PRELID2: variants seen among roughly 807,000 people sequenced by gnomAD.
PRELID2 encodes PRELI domain-containing protein 2.
A neutral mutation model predicts 28.4 loss-of-function variants in PRELID2; 25 were observed. That is an observed-to-expected ratio of 0.88 (90% CI 0.64 to 1.23). PRELID2 has a LOEUF of 1.23. Among genes scored for constraint, PRELID2 ranks in the 50% most tolerant of loss-of-function variants. The probability of loss-of-function intolerance (pLI) is 0.00; values close to 1 mark genes in which losing one functional copy is unlikely to be tolerated. For synonymous variants in PRELID2, 76 were observed against 71.6 expected (o/e 1.06, Z -0.31); for missense variants, 201 against 214.4 (o/e 0.94, Z 0.39).
At chr5:145,827,611 T>G (rs549469983) in intron 1 of PRELID2, among the ~76,000 whole-genome samples, 1 of 152,284 alleles carries the variant, frequency 6.6e-6, no homozygotes, top group South Asian at 2.1e-4. Flanking sequence ...AATGACCCAA[T>G]AATCAGCAAC....
intron 1 of PRELID2, among the ~76,000 whole-genome samples, chr5:145,824,425 CGTGTGTGTGT>C (rs369429281): frequency 1.6e-4 from 15 of 96,160 alleles, no homozygotes; most frequent in African/African-American, 2.7e-4. Context: ...CCACAGCAGG[CGTGTGTGTGT>C]GTGTGTGTGT....
intron 1 of PRELID2, among the ~76,000 whole-genome samples, chr5:145,610,615 C>T (rs910446250): frequency 1.3e-5 from 2 of 152,062 alleles, no homozygotes; most frequent in African/African-American, 4.8e-5. Context: ...TGTTATGCAC[C>T]AAAATCTGGC....
At chr5:145,823,350 T>A (rs1272364092) in intron 1 of PRELID2, among the ~76,000 whole-genome samples, 8 of 152,222 alleles carry the variant, frequency 5.3e-5, no homozygotes, top group Non-Finnish European at 1.0e-4. Flanking sequence ...GGGAAAACCT[T>A]CTTTAGATCC....
At chr5:145,619,765 A>T (rs1246227160) in intron 1 of PRELID2, among the ~76,000 whole-genome samples, 2 of 152,234 alleles carry the variant, frequency 1.3e-5, no homozygotes, top group Non-Finnish European at 2.9e-5. Flanking sequence ...AATTTTAAAA[A>T]ATAGGTAAAA....
chr5:145,567,608 C>T (rs1752978299), intron 1 of PRELID2, among the ~76,000 whole-genome samples: 1 of 152,092 alleles, frequency 6.6e-6, no homozygotes, highest in African/African-American at 2.4e-5. Context: ...AAACTCCTGA[C>T]CTCAAGTGAT....
intron 1 of PRELID2, among the ~76,000 whole-genome samples, chr5:145,650,628 C>A (rs2149670599): frequency 7.5e-6 from 1 of 133,286 alleles, no homozygotes; most frequent in South Asian, 2.3e-4. Flanking sequence ...CATTTTCACA[C>A]AATATAACAA....
intron 1 of PRELID2, among the ~76,000 whole-genome samples, chr5:145,642,222 T>C (rs901169016): frequency 1.3e-5 from 2 of 152,236 alleles, no homozygotes; most frequent in Admixed American, 1.3e-4. Context: ...TGGCGTGAGA[T>C]GGTATCTCAT....
At chr5:145,333,712 T>G in the PRELID2 span, among the ~76,000 whole-genome samples, 3 of 151,944 alleles carry the variant, frequency 2.0e-5, no homozygotes, top group East Asian at 5.8e-4. Flanking sequence ...GGGCTCCATG[T>G]TGGTGGGATC....
At chr5:145,388,921 A>G in the PRELID2 span, among the ~76,000 whole-genome samples, 4 of 152,284 alleles carry the variant, frequency 2.6e-5, no homozygotes, top group African/African-American at 2.4e-5. Context: ...AATTATCTTT[A>G]TAACATCTGC....
At chr5:145,561,806 A>G (rs924540427) in intron 1 of PRELID2, among the ~76,000 whole-genome samples, 10 of 152,242 alleles carry the variant, frequency 6.6e-5, no homozygotes, top group Admixed American at 1.3e-4. Flanking sequence ...TTATGGCCCC[A>G]GAATTAGGCT....
At chr5:145,753,897 A>C (rs1407800423), downstream of PRELID2, among the ~76,000 whole-genome samples, 1 of 152,080 alleles carries the variant, frequency 6.6e-6, no homozygotes, top group East Asian at 1.9e-4. Flanking sequence ...TACCACAGTG[A>C]CTTTGCCATT....
At chr5:145,308,622 AT>A in the PRELID2 span, among the ~76,000 whole-genome samples, 3,509 of 146,768 alleles carry the variant, frequency 0.024, 93 homozygotes, top group African/African-American at 0.063. Flanking sequence ...GTTAGAGTGT[AT>A]TTTTTTTTTT....
intron 2 of PRELID2, chr5:145,472,217 AG>A (rs1021563529): frequency 6.6e-6 from 1 of 152,140 alleles, no homozygotes; most frequent in Non-Finnish European, 1.5e-5. Context: ...ATTCTTCAAA[AG>A]AAAATTATGG....
chr5:145,753,104 G>A (rs757952343), downstream of PRELID2, among the ~76,000 whole-genome samples: 2 of 152,172 alleles, frequency 1.3e-5, no homozygotes, highest in Non-Finnish European at 2.9e-5. Flanking sequence ...TCCTGGCACC[G>A]GCACAAAGAA....
chr5:145,504,207 G>C (rs753009711), intron 1 of PRELID2, among the ~76,000 whole-genome samples: 12 of 152,172 alleles, frequency 7.9e-5, no homozygotes, highest in Admixed American at 1.3e-4. Context: ...GTGCCTGGCT[G>C]TGACCTTGGG....
intron 4 of PRELID2, among the ~76,000 whole-genome samples, chr5:145,810,307 C>T (rs1753840165): frequency 6.6e-6 from 1 of 152,198 alleles, no homozygotes; most frequent in African/African-American, 2.4e-5. Context: ...TCTCATTCTA[C>T]ACATTCAAGC....
At chr5:145,706,146 G>A (rs1755540975) in intron 1 of PRELID2, among the ~76,000 whole-genome samples, 1 of 152,142 alleles carries the variant, frequency 6.6e-6, no homozygotes, top group South Asian at 2.1e-4. Flanking sequence ...GAAAGACAAA[G>A]AAGGAGGCAG....
chr5:145,547,641 T>C (rs1257851919), intron 1 of PRELID2, among the ~76,000 whole-genome samples: 1 of 152,208 alleles, frequency 6.6e-6, no homozygotes, highest in Non-Finnish European at 1.5e-5. Flanking sequence ...TTGTACTTAT[T>C]TGCAAGGTTG....
intron 1 of PRELID2, among the ~76,000 whole-genome samples, chr5:145,608,411 TA>T (rs1472258436): frequency 6.6e-6 from 1 of 152,200 alleles, no homozygotes; most frequent in Non-Finnish European, 1.5e-5. Flanking sequence ...AGCACTCCCT[TA>T]AGGATCTCTT....
Sources: gnomAD v4.1 joint callset for allele counts (sites outside exome capture counted in the v4.1 genomes callset) on GRCh38, gnomAD v4.1.1 for gene constraint, MANE v1.5 for transcripts, NCBI Gene and HGNC (gene_info 2026-07-23, HGNC 2026-07-21) for gene names.